Variants in ANKRD33B observed in about 807,000 individuals in gnomAD.
ANKRD33B encodes ankyrin repeat domain-containing protein 33B.
Under a neutral mutation model 21.5 loss-of-function variants are expected in ANKRD33B, and 6 were observed. That is an observed-to-expected ratio of 0.28 (90% CI 0.15 to 0.55). The LOEUF (loss-of-function observed/expected upper bound fraction) is 0.55, where lower values mean the gene tolerates loss of function less well. Ranked by LOEUF, ANKRD33B falls within the 20% of genes least tolerant of loss-of-function variation. The pLI, the probability that ANKRD33B is intolerant of heterozygous loss-of-function variation, is 0.94. For missense variants in ANKRD33B, 698 were observed against 747.2 expected (o/e 0.93, Z 0.77); for synonymous variants, 347 against 342.4 (o/e 1.01, Z -0.15).
At chr5:10,604,134 C>T (rs767094280) in intron 1 of ANKRD33B, among the ~76,000 whole-genome samples, 2 of 151,028 alleles carry the variant, frequency 1.3e-5, no homozygotes, top group Non-Finnish European at 1.5e-5. Flanking sequence ...CCTTGTGATC[C>T]ACCCGCCTTG....
At chr5:10,588,545 G>A (rs1735616069) in intron 1 of ANKRD33B, among the ~76,000 whole-genome samples, 1 of 152,186 alleles carries the variant, frequency 6.6e-6, no homozygotes, top group South Asian at 2.1e-4. Context: ...TTTCCCTAAG[G>A]TAGGATTAGA....
intron 1 of ANKRD33B, among the ~76,000 whole-genome samples, chr5:10,599,007 C>T (rs1411344127): frequency 6.6e-6 from 1 of 152,234 alleles, no homozygotes; most frequent in Non-Finnish European, 1.5e-5. Context: ...CATCCCCCTA[C>T]TCAAGATATA....
In ANKRD33B at chr5:10,564,208, G is replaced by A. The variant is rs1030228683; in HGVS notation, c.-260G>A. The A allele has an allele frequency of 2.6e-4, 41 of 155,682 alleles. No individual in the cohort carries two copies. The highest frequency in any genetic ancestry group is 4.4e-4 in the Non-Finnish European group (31 of 70,508). 9.6% of individuals were successfully genotyped at this position (155,682 alleles called of 1,614,324 possible). A position where few individuals can be genotyped will look rare whatever the true frequency, so the allele number is the denominator to read the frequency against. ...GAAGGGGCGCGAGGGGAAGGCCCCGGGGGAAGGCGTGTCCCCGCGCCCCGC... is the reference window on the plus strand; with the variant it reads ...GAAGGGGCGCGAGGGGAAGGCCCCGAGGGAAGGCGTGTCCCCGCGCCCCGC... On this transcript the variant is annotated 5_prime_UTR_variant, in exon 1 of 4. Transcript: ENST00000296657.
intron 1 of ANKRD33B, among the ~76,000 whole-genome samples, chr5:10,581,066 C>A (rs1398519065): frequency 6.6e-6 from 1 of 152,198 alleles, no homozygotes; most frequent in Non-Finnish European, 1.5e-5. Flanking sequence ...CCCAGGGCTT[C>A]TGCCTTCTCA....
chr5:10,617,517 C>G (rs1234414451), intron 1 of ANKRD33B, among the ~76,000 whole-genome samples: 2 of 152,250 alleles, frequency 1.3e-5, no homozygotes, highest in African/African-American at 4.8e-5. Context: ...GCTGCTGCCC[C>G]CACCCTGGTG....
Position 10,657,533 on chromosome 5 carries a change from G to C in ANKRD33B, c.*7420G>C, listed in dbSNP as rs1737518034. 1 of 152,322 alleles carries C rather than the reference G, an allele frequency of 6.6e-6. No homozygotes were observed. The highest frequency in any genetic ancestry group is 2.4e-5 in the African/African-American group (1 of 41,450). 9.4% of individuals were successfully genotyped at this position (152,322 alleles called of 1,614,324 possible). On this transcript the variant is annotated 3_prime_UTR_variant, in exon 4 of 4. Transcript: ENST00000296657. ...ATTTCATAGTGTTTTATTTTGAGGT[G>C]AGAGTTTTGTTATAGTTTATAAAAG...
Position 10,619,669 on chromosome 5 carries a change from C to T in ANKRD33B, c.496+1207C>T, listed in dbSNP as rs982382820. Among the ~76,000 whole-genome samples, 7 of 152,226 alleles carry T rather than the reference C, an allele frequency of 4.6e-5. No homozygotes were observed. The highest frequency in any genetic ancestry group is 9.6e-5 in the African/African-American group (4 of 41,452). ...CCTCCTCAGGTTTCGAAGCGTGAGG[C>T]ATCACTTCCATGGAGGGTTCCAGGC... is the stretch of plus-strand genomic sequence containing the variant. On this transcript the variant is annotated intron_variant, in intron 2 of 3. Transcript: ENST00000296657. This position sits in a 1 kb window ranked among gnomAD's most constrained non-coding sequence, Gnocchi z 4.5.
At chr5:10,567,242 A>C (rs573084039) in intron 1 of ANKRD33B, among the ~76,000 whole-genome samples, 1 of 152,220 alleles carries the variant, frequency 6.6e-6, no homozygotes, top group Admixed American at 6.5e-5. Flanking sequence ...GCTGTTGATC[A>C]AACAGCCTCT....
intron 1 of ANKRD33B, among the ~76,000 whole-genome samples, chr5:10,575,501 A>G (rs577578269): frequency 6.6e-6 from 1 of 152,282 alleles, no homozygotes; most frequent in South Asian, 2.1e-4. Context: ...GGGCCTGGCA[A>G]ACGGAACCAG....
chr5:10,601,460 C>G (rs1322956666), intron 1 of ANKRD33B, among the ~76,000 whole-genome samples: 1 of 152,216 alleles, frequency 6.6e-6, no homozygotes, highest in African/African-American at 2.4e-5. Flanking sequence ...CTCAACCTGG[C>G]TGGGTGCCAA....
intron 3 of ANKRD33B, among the ~76,000 whole-genome samples, chr5:10,645,195 C>T (rs1306867433): frequency 1.3e-5 from 2 of 152,168 alleles, no homozygotes; most frequent in African/African-American, 4.8e-5. Flanking sequence ...AAGATACAGG[C>T]TGGAGGTGGC....
intron 3 of ANKRD33B, among the ~76,000 whole-genome samples, chr5:10,646,532 G>C (rs1273927275): frequency 6.6e-6 from 1 of 152,182 alleles, no homozygotes; most frequent in Non-Finnish European, 1.5e-5. Flanking sequence ...ACATCAGGAC[G>C]AAGAGTGCAA....
chr5:10,657,272 CTT>C lies in ANKRD33B; in HGVS notation c.*7161_*7162del, dbSNP rs2126618790. ...TTAAAAGCCAATGTACTGGAATTCT[CTT>C]TGTTCTGCCCGACATTTGGGGGTGT... On this transcript the variant is annotated 3_prime_UTR_variant, in exon 4 of 4. Transcript: ENST00000296657. 6.6e-6 allele frequency: 1 copy of C among 152,500 alleles called. No individual in the cohort carries two copies. The highest frequency in any genetic ancestry group is 1.9e-4 in the East Asian group (1 of 5,326). 9.4% of individuals were successfully genotyped at this position (152,500 alleles called of 1,614,324 possible).
At position 10,595,605 on chromosome 5, in the gene ANKRD33B, A is replaced by C. The variant is rs78282493; in HGVS notation, c.367-22728A>C. Among the ~76,000 whole-genome samples the C allele has an allele frequency of 5.9e-5, 9 of 152,302 alleles. No homozygotes were observed. The East Asian group carries it at 1.7e-3, about 29-fold the overall frequency. On this transcript the variant is annotated intron_variant, in intron 1 of 3. Transcript: ENST00000296657. ...TGGGCGATACATTTCAACCTACTAC[A>C]GGCAGTTACCTGAAGGAGTAACTGA...
rs747470760 is a variant in ANKRD33B at position 10,639,015 on chromosome 5, CGCGG to C, written c.637+848_637+851del. ...GTTGCGCGGCGATGTTAGGCGGTGACGCGGAGTTGCGCGGCGATGTTAGCGGGTG... is the reference window on the plus strand; with the variant it reads ...GTTGCGCGGCGATGTTAGGCGGTGACAGTTGCGCGGCGATGTTAGCGGGTG... On this transcript the variant is annotated intron_variant, in intron 3 of 3. Transcript: ENST00000296657. Among the ~76,000 whole-genome samples, 682 of 76,066 alleles carry C rather than the reference CGCGG, an allele frequency of 9.0e-3. 9 individuals carry two copies. Among genetic ancestry groups the C allele is most frequent in the African/African-American group, 0.022 (409 of 18,760 alleles). The allele number at this position is 76,066 out of a possible 152,430, so 49.9% of individuals were successfully genotyped here.
chr5:10,616,316 T>C (rs4702711), intron 1 of ANKRD33B, among the ~76,000 whole-genome samples: 139,172 of 152,142 alleles, frequency 0.91, 63,877 homozygotes, highest in Middle Eastern at 0.96. Context: ...CCTGTAATCC[T>C]AGCACTTTGG....
intron 3 of ANKRD33B, among the ~76,000 whole-genome samples, chr5:10,640,017 CGCG>C (rs1736999317): frequency 1.2e-5 from 1 of 85,732 alleles, no homozygotes; most frequent in East Asian, 3.4e-4. Context: ...CGTGGAGTTG[CGCG>C]GCGATGTTAG....
chr5:10,609,643 TCA>T (rs1002280731), intron 1 of ANKRD33B, among the ~76,000 whole-genome samples: 11 of 152,122 alleles, frequency 7.2e-5, no homozygotes, highest in African/African-American at 1.9e-4. Flanking sequence ...GTGCTGTGGC[TCA>T]CCCCTGTAAT....
chr5:10,595,347 C>A (rs1735797638), intron 1 of ANKRD33B, among the ~76,000 whole-genome samples: 1 of 152,096 alleles, frequency 6.6e-6, no homozygotes, highest in Non-Finnish European at 1.5e-5. Context: ...GGGCAGATGT[C>A]TGAAGTCCAG....
Sources: allele counts gnomAD v4.1 joint callset (sites outside exome capture counted in the v4.1 genomes callset), GRCh38; gene constraint gnomAD v4.1.1; non-coding constraint Gnocchi (gnomAD v3.1); transcripts MANE v1.5; gene names NCBI Gene and HGNC (gene_info 2026-07-23, HGNC 2026-07-21).